Variants in ZNF121 observed in about 807,000 individuals in gnomAD.
ZNF121 encodes the protein zinc finger protein 121, also known as zinc finger protein 121 (clone ZHC32).
A neutral mutation model predicts 2.4 loss-of-function variants in ZNF121; 1 was observed. The ratio of observed to expected loss-of-function variants is 0.41; its 90% confidence interval spans 0.15 to 1.94. The LOEUF is 1.94. Among genes scored for constraint, ZNF121 ranks in the 30% most tolerant of loss-of-function variants. The pLI is 0.30. For missense variants in ZNF121, 369 were observed against 466.3 expected (o/e 0.79, Z 1.92); for synonymous variants, 173 against 158.6 (o/e 1.09, Z -0.68).
chr19:9,572,470 A>T (rs927306676), intron 1 of ZNF121, among the ~76,000 whole-genome samples: 3 of 152,192 alleles, frequency 2.0e-5, no homozygotes, highest in Non-Finnish European at 4.4e-5. Flanking sequence ...GAGGACATCC[A>T]GGGACAAAGA....
rs1292289132 is a variant in ZNF121 at position 9,562,150 on chromosome 19, G to A, written c.*3790C>T. 1 of 147,770 alleles carries A rather than the reference G, an allele frequency of 6.8e-6. No individual in the cohort carries two copies. The highest frequency in any genetic ancestry group is 2.5e-5 in the African/African-American group (1 of 39,790). 9.2% of individuals were successfully genotyped at this position (147,770 alleles called of 1,614,324 possible). On this transcript the variant is annotated 3_prime_UTR_variant, in exon 4 of 4. Coordinates refer to ENST00000320451, the MANE Select transcript of ZNF121 (RefSeq NM_001008727.5). ...TTTTCCTTATTATTATACTTACTGTGGTGCTGTGTGATTTTTTTTTTTTTT... is the reference window on the plus strand; with the variant it reads ...TTTTCCTTATTATTATACTTACTGTAGTGCTGTGTGATTTTTTTTTTTTTT...
chr19:9,582,654 C>T (rs2074255548), intron 1 of ZNF121, among the ~76,000 whole-genome samples: 1 of 150,554 alleles, frequency 6.6e-6, no homozygotes, highest in South Asian at 2.1e-4. Flanking sequence ...GCTAGGGAGG[C>T]AGGAGAATTA....
chr19:9,583,017 G>C (rs889829134), intron 1 of ZNF121, among the ~76,000 whole-genome samples: 16 of 147,890 alleles, frequency 1.1e-4, no homozygotes, highest in African/African-American at 3.8e-4. Context: ...TTCGAGACCA[G>C]CCTGGCGAGC....
intron 1 of ZNF121, chr19:9,584,068 G>T (rs919681843): frequency 6.6e-6 from 1 of 152,194 alleles, no homozygotes; most frequent in African/African-American, 2.4e-5. Flanking sequence ...ATTTTCTGCA[G>T]GTGTTCACCA....
intron 3 of ZNF121, chr19:9,567,649 A>G (rs1319848592): frequency 1.2e-5 from 4 of 346,720 alleles, no homozygotes; most frequent in Admixed American, 8.1e-5. Context: ...ACAACTCACC[A>G]TAAAATAGGA....
rs2074094496 is a variant in ZNF121 at position 9,560,374 on chromosome 19, C to T, written c.*5566G>A. ...TTGTGATAAAAACACATAAAATTTA[C>T]CCTTTCACATACTTTGTGTGTACCG... is the stretch of plus-strand genomic sequence containing the variant. On this transcript the variant is annotated 3_prime_UTR_variant, in exon 4 of 4. Transcript: ENST00000320451. 1 of 152,116 alleles carries T rather than the reference C, an allele frequency of 6.6e-6. No homozygotes were observed. Among genetic ancestry groups the T allele is most frequent in the Admixed American group, 6.5e-5 (1 of 15,274 alleles). 9.4% of individuals were successfully genotyped at this position (152,116 alleles called of 1,614,324 possible). A position where few individuals can be genotyped will look rare whatever the true frequency, so the allele number is the denominator to read the frequency against.
chr19:9,584,167 CAGAA>C (rs2074268901), intron 1 of ZNF121: 1 of 152,188 alleles, frequency 6.6e-6, no homozygotes, highest in African/African-American at 2.4e-5. Flanking sequence ...CTTTTACTTT[CAGAA>C]AGAAAGAAAC....
intron 1 of ZNF121, among the ~76,000 whole-genome samples, chr19:9,583,347 AC>A (rs1445106764): frequency 6.6e-6 from 1 of 151,304 alleles, no homozygotes; most frequent in South Asian, 2.1e-4. Flanking sequence ...CTTTTTTGAG[AC>A]GGAGTTTCGC....
chr19:9,570,870 C>T (rs562278567), intron 1 of ZNF121, among the ~76,000 whole-genome samples: 4 of 152,122 alleles, frequency 2.6e-5, no homozygotes, highest in Admixed American at 6.6e-5. Flanking sequence ...CGTGAGCCAC[C>T]GCACCCAGCC....
chr19:9,578,042 C>CAA (rs34762369), intron 1 of ZNF121, among the ~76,000 whole-genome samples: 205 of 138,484 alleles, frequency 1.5e-3, no homozygotes, highest in East Asian at 8.8e-3. Context: ...AAAAAAAATA[C>CAA]AAAAAAAAAA....
intron 2 of ZNF121, among the ~76,000 whole-genome samples, 176 bp from the exon 3 acceptor site, chr19:9,568,351 C>A (rs1413802788): frequency 6.6e-6 from 1 of 151,448 alleles, no homozygotes; most frequent in Non-Finnish European, 1.5e-5. Context: ...ATCGTAAGGA[C>A]TTGGGGTCTA....
Position 9,584,470 on chromosome 19 carries a change from G to T in ZNF121, c.-169C>A, listed in dbSNP as rs1487796041. ...AGCAGGCGGAACTCACCACAGCCAG[G>T]GTGGACTCCACCACGATAAAGGCGA... On this transcript the variant is annotated 5_prime_UTR_variant, in exon 1 of 4. Transcript: ENST00000320451. 6.6e-6 allele frequency: 1 copy of T among 152,394 alleles called. No individual in the cohort carries two copies. The highest frequency in any genetic ancestry group is 1.9e-4 in the East Asian group (1 of 5,184). 9.4% of individuals were successfully genotyped at this position (152,394 alleles called of 1,614,324 possible).
intron 1 of ZNF121, among the ~76,000 whole-genome samples, chr19:9,578,834 T>C (rs1411725045): frequency 6.6e-6 from 1 of 151,940 alleles, no homozygotes; most frequent in Non-Finnish European, 1.5e-5. Context: ...AATAAACATA[T>C]GAGATTACAT....
chr19:9,576,048 G>A (rs1224710329), intron 1 of ZNF121, among the ~76,000 whole-genome samples: 1 of 152,028 alleles, frequency 6.6e-6, no homozygotes, highest in African/African-American at 2.4e-5. Flanking sequence ...TGCTACAGAA[G>A]ATACATTCCT....
chr19:9,563,322 G>A lies in ZNF121; in HGVS notation c.*2618C>T, dbSNP rs1261441214. On this transcript the variant is annotated 3_prime_UTR_variant, in exon 4 of 4. Coordinates refer to ENST00000320451, the MANE Select transcript of ZNF121 (RefSeq NM_001008727.5). ...TCTAATTCTATGAAGGCTGAGAGGT[G>A]AGTTAGCTGCAGAAGAAATGCTGGA... 6.6e-6 allele frequency: 1 copy of A among 152,214 alleles called. No individual in the cohort carries two copies. Among genetic ancestry groups the A allele is most frequent in the Non-Finnish European group, 1.5e-5 (1 of 68,044 alleles). The allele number at this position is 152,214 out of a possible 1,614,324, so 9.4% of individuals were successfully genotyped here.
intron 3 of ZNF121, 77 bp downstream of exon 3, chr19:9,568,018 C>T: frequency 6.9e-7 from 1 of 1,441,602 alleles, no homozygotes; most frequent in Non-Finnish European, 9.4e-7. Context: ...TCTCAAATAT[C>T]TCTCATTTTT....
chr19:9,578,345 G>C (rs1293185631), intron 1 of ZNF121, among the ~76,000 whole-genome samples: 2 of 151,952 alleles, frequency 1.3e-5, no homozygotes, highest in Non-Finnish European at 2.9e-5. Context: ...AGTGAGCCGA[G>C]GTCGCACCAC....
At chr19:9,572,767 TAAAG>T (rs2074182962) in intron 1 of ZNF121, among the ~76,000 whole-genome samples, 2 of 152,184 alleles carry the variant, frequency 1.3e-5, no homozygotes, top group South Asian at 4.1e-4. Context: ...AGGGAAATTT[TAAAG>T]AAAGAAAATC....
At chr19:9,568,588 T>C (rs1599735974) in intron 2 of ZNF121, among the ~76,000 whole-genome samples, 1 of 152,212 alleles carries the variant, frequency 6.6e-6, no homozygotes, top group Non-Finnish European at 1.5e-5. Context: ...TTGGCCAGGC[T>C]GGTCTCAACT....
Sources: gnomAD v4.1 joint callset for allele counts (sites outside exome capture counted in the v4.1 genomes callset) on GRCh38, gnomAD v4.1.1 for gene constraint, MANE v1.5 for transcripts, NCBI Gene and HGNC (gene_info 2026-07-23, HGNC 2026-07-21) for gene names.